The following USH2A variants were observed in gnomAD, a reference collection of about 807,000 sequenced individuals.
The protein encoded by USH2A is usherin.
In USH2A, 443 loss-of-function variants were observed where a neutral mutation model predicts 538.9. The observed-to-expected ratio is 0.82, with a 90% CI of 0.76 to 0.89. The LOEUF (loss-of-function observed/expected upper bound fraction) is 0.89. Among genes scored for constraint, USH2A ranks in the 40% least tolerant of loss-of-function variants. USH2A has a pLI of 0.00. For missense variants in USH2A, 6,633 were observed against 6,324.8 expected (o/e 1.05, Z -1.65); for synonymous variants, 2,413 against 2,273.5 (o/e 1.06, Z -1.75).
rs55691066 is a variant in USH2A, at chr1:216,240,013, CAAAAAA to C, written c.2809+6566_2809+6571del. ...CTGAAATCCCCAGAGATGAAATAAA[CAAAAAA>C]AAAAAAAAAAAAAAGAGAGAAGGAG... On this transcript the variant is annotated intron_variant, in intron 13 of 71. Coordinates refer to ENST00000307340, the MANE Select transcript of USH2A (RefSeq NM_206933.4). Among the ~76,000 whole-genome samples the C allele has an allele frequency of 8.9e-5, 10 of 112,288 alleles. No homozygotes were observed. In the East Asian group the frequency reaches 1.1e-3, roughly 12 times the overall value. 73.7% of individuals were successfully genotyped at this position (112,288 alleles called of 152,430 possible). A position where few individuals can be genotyped will look rare whatever the true frequency, so the allele number is the denominator to read the frequency against.
At chr1:215,895,627 G>A (rs1289021278) in intron 40 of USH2A, among the ~76,000 whole-genome samples, 7 of 152,154 alleles carry the variant, frequency 4.6e-5, no homozygotes, top group Admixed American at 4.6e-4. Flanking sequence ...AAGTAAAGCA[G>A]GACCCAGGCA....
At chr1:216,195,821 G>A (rs1368406344) in intron 19 of USH2A, 2 of 167,202 alleles carry the variant, frequency 1.2e-5, no homozygotes, top group Admixed American at 6.5e-5. Context: ...CCTTCCATCA[G>A]CTTCTGCTAT....
At chr1:215,773,131 A>G (rs920597969) in intron 55 of USH2A, among the ~76,000 whole-genome samples, 7 of 152,282 alleles carry the variant, frequency 4.6e-5, no homozygotes, top group African/African-American at 1.7e-4. Context: ...TTTCTAACAA[A>G]GGGCAAGCAT....
rs143149048 is a variant in USH2A at position 216,372,863 on chromosome 1, C to T, written c.652-7778G>A. On this transcript the variant is annotated intron_variant, in intron 3 of 71. Coordinates refer to ENST00000307340, the MANE Select transcript of USH2A (RefSeq NM_206933.4). ...GATACTCTTAATTATTTCAATATAT[C>T]ATTGTGCCTTTTTCTATTTTACTCA... 2.3e-3 allele frequency among the ~76,000 whole-genome samples: 354 copies of T among 152,240 alleles called. 1 individual carries two copies. The highest frequency in any genetic ancestry group is 7.9e-3 in the African/African-American group (330 of 41,552).
chr1:216,051,393 C>A (rs2030779953), intron 30 of USH2A, among the ~76,000 whole-genome samples: 1 of 152,208 alleles, frequency 6.6e-6, no homozygotes, highest in Admixed American at 6.5e-5. Context: ...AGGCTCAAAA[C>A]TAAAGTTATC....
At chr1:215,952,723 C>T (rs1457265387) in intron 37 of USH2A, among the ~76,000 whole-genome samples, 2 of 152,312 alleles carry the variant, frequency 1.3e-5, no homozygotes, top group African/African-American at 2.4e-5. Flanking sequence ...TCTGTTCTGG[C>T]TTGCAGAGTT....
chr1:215,793,516 T>C (rs66696858), intron 50 of USH2A, among the ~76,000 whole-genome samples: 6,297 of 152,124 alleles, frequency 0.041, 147 homozygotes, highest in South Asian at 0.064. Flanking sequence ...AGAGTAAAAA[T>C]GCTCCCCAAA....
chr1:216,353,857 G>GA (rs1332478874), intron 4 of USH2A, among the ~76,000 whole-genome samples: 2 of 152,088 alleles, frequency 1.3e-5, no homozygotes, highest in Non-Finnish European at 2.9e-5. Context: ...AGAGCGCACA[G>GA]AAAAAACTAA....
intron 62 of USH2A, 79 bp downstream of exon 62, chr1:215,680,067 ACAG>A (rs757942489): frequency 5.4e-5 from 77 of 1,425,178 alleles, no homozygotes; most frequent in Non-Finnish European, 7.5e-5. Context: ...GAGTTTTCCC[ACAG>A]TGACCTGATG....
At chr1:216,152,945 G>A (rs2033868759) in intron 21 of USH2A, among the ~76,000 whole-genome samples, 1 of 152,186 alleles carries the variant, frequency 6.6e-6, no homozygotes, top group Admixed American at 6.5e-5. Context: ...GAGAATAGCA[G>A]AGCAGTGCCA....
At chr1:216,414,221 A>C (rs978508159) in intron 3 of USH2A, among the ~76,000 whole-genome samples, 5 of 152,092 alleles carry the variant, frequency 3.3e-5, no homozygotes, top group African/African-American at 1.2e-4. Context: ...TGACACAATG[A>C]ATTTTAGCTT....
chr1:215,782,648 A>ATTTAATTG, intron 53 of USH2A, 90 bp downstream of exon 53: 4 of 1,342,206 alleles, frequency 3.0e-6, no homozygotes, highest in Non-Finnish European at 4.2e-6. Flanking sequence ...GGTTAGATGC[A>ATTTAATTG]TAGGGCAATT....
At chr1:215,870,577 G>A (rs868688989) in intron 43 of USH2A, among the ~76,000 whole-genome samples, 4 of 151,596 alleles carry the variant, frequency 2.6e-5, no homozygotes, top group African/African-American at 7.3e-5. Flanking sequence ...CTGTACAGGC[G>A]TGAGTCACCG....
intron 44 of USH2A, among the ~76,000 whole-genome samples, chr1:215,859,388 G>A (rs1211798653): frequency 1.3e-5 from 2 of 152,022 alleles, no homozygotes; most frequent in African/African-American, 2.4e-5. Flanking sequence ...CAAAAAATCA[G>A]CCAGGCGTGG....
At chr1:216,082,807 G>A (rs1167616163) in intron 26 of USH2A, among the ~76,000 whole-genome samples, 1 of 152,046 alleles carries the variant, frequency 6.6e-6, no homozygotes, top group Non-Finnish European at 1.5e-5. Context: ...CCAAGAAAAT[G>A]TATACCTATG....
chr1:216,075,885 C>CA (rs1361993698), intron 27 of USH2A, among the ~76,000 whole-genome samples: 1 of 147,312 alleles, frequency 6.8e-6, no homozygotes, highest in Non-Finnish European at 1.5e-5. Context: ...AATATGACCA[C>CA]AAAATAGAGC....
At chr1:216,281,201 A>C (rs2036768285) in intron 11 of USH2A, among the ~76,000 whole-genome samples, 1 of 152,202 alleles carries the variant, frequency 6.6e-6, no homozygotes, top group Non-Finnish European at 1.5e-5. Flanking sequence ...AAAGATAAAC[A>C]ATGTGGGGGT....
At chr1:216,005,851 C>A (rs1668378355) in intron 32 of USH2A, among the ~76,000 whole-genome samples, 1 of 151,960 alleles carries the variant, frequency 6.6e-6, no homozygotes, top group Non-Finnish European at 1.5e-5. Context: ...TGAGTGAGTG[C>A]ATATAGAGGA....
intron 3 of USH2A, among the ~76,000 whole-genome samples, chr1:216,377,748 AAAG>A (rs1339879003): frequency 2.5e-4 from 35 of 142,242 alleles, no homozygotes; most frequent in Non-Finnish European, 3.4e-4. Context: ...AAGAAAAAAA[AAAG>A]AAAGAAAGAA....
Sources: allele counts gnomAD v4.1 joint callset (sites outside exome capture counted in the v4.1 genomes callset), GRCh38; gene constraint gnomAD v4.1.1; transcripts MANE v1.5; gene names NCBI Gene and HGNC (gene_info 2026-07-23, HGNC 2026-07-21).